SEPTIN9: variants seen among roughly 807,000 people sequenced by gnomAD.
SEPTIN9 encodes septin-9.
In SEPTIN9, 13 loss-of-function variants were observed where a neutral mutation model predicts 56.6. That is an observed-to-expected ratio of 0.23 (90% CI 0.15 to 0.37). The LOEUF (loss-of-function observed/expected upper bound fraction) is 0.37. Ranked by LOEUF, SEPTIN9 falls within the 10% of genes least tolerant of loss-of-function variation. The pLI is 1.00. For missense variants in SEPTIN9, 650 were observed against 823.1 expected, an observed-to-expected ratio of 0.79 and a Z score of 2.57; for synonymous variants, 332 against 334.1, an observed-to-expected ratio of 0.99 and a Z score of 0.07.
chr17:77,364,583 G>A (rs2034516855), intron 2 of SEPTIN9, among the ~76,000 whole-genome samples: 1 of 152,222 alleles, frequency 6.6e-6, no homozygotes, highest in African/African-American at 2.4e-5. Context: ...GAGATGGTCA[G>A]TGGCAGTGAG....
intron 2 of SEPTIN9, chr17:77,373,328 T>A (rs2034786784): frequency 8.6e-7 from 1 of 1,167,720 alleles, no homozygotes; most frequent in Admixed American, 4.7e-5. Flanking sequence ...GCGCCCGCCT[T>A]CCTCCCCCAT....
intron 2 of SEPTIN9, among the ~76,000 whole-genome samples, chr17:77,356,342 T>C (rs1007526556): frequency 3.9e-5 from 6 of 152,178 alleles, no homozygotes; most frequent in Middle Eastern, 6.8e-3. Context: ...CTCCTGTGGC[T>C]GTGGAACCTT....
intron 2 of SEPTIN9, among the ~76,000 whole-genome samples, chr17:77,382,142 C>G (rs1260794720): frequency 2.0e-5 from 3 of 152,202 alleles, no homozygotes; most frequent in Non-Finnish European, 4.4e-5. Flanking sequence ...ATTCTCCTGC[C>G]TCAGCCTCCT....
chr17:77,353,564 A>T (rs1283639383), intron 2 of SEPTIN9, among the ~76,000 whole-genome samples: 1 of 152,026 alleles, frequency 6.6e-6, no homozygotes, highest in Non-Finnish European at 1.5e-5. Flanking sequence ...TGCCAATACC[A>T]TCTTTGCTTG....
Position 77,368,315 on chromosome 17 carries a change from G to T in SEPTIN9, c.77-33744G>T, listed in dbSNP as rs868864605. ...TGGTAAATTTGTCTTTTTTGTTTTTGTTTTTTTTTTTTTTGAGACGGAGTC... is the reference window on the plus strand; with the variant it reads ...TGGTAAATTTGTCTTTTTTGTTTTTTTTTTTTTTTTTTTTGAGACGGAGTC... On this transcript the variant is annotated intron_variant, in intron 2 of 11. Coordinates refer to ENST00000427177, the MANE Select transcript of SEPTIN9 (RefSeq NM_001113491.2). Among the ~76,000 whole-genome samples, 161 of 143,410 alleles carry T rather than the reference G, an allele frequency of 1.1e-3. 1 individual carries two copies. The highest frequency in any genetic ancestry group is 0.011 in the South Asian group (51 of 4,568). The allele number at this position is 143,410 out of a possible 152,430, so 94.1% of individuals were successfully genotyped here.
chr17:77,405,192 C>A lies in SEPTIN9; in HGVS notation c.721+2489C>A. On this transcript the variant is annotated intron_variant, in intron 3 of 11. Transcript: ENST00000427177. This position sits in a 1 kb window ranked among gnomAD's most constrained non-coding sequence, Gnocchi z 5.8. ...AAGAACATTCTCCTCCAGGGGCAGA[C>A]ACAGTTTAGCCCCTAAATTGTGCCA... The A allele has an allele frequency of 6.9e-7, 1 of 1,443,476 alleles. No homozygotes were observed. The highest frequency in any genetic ancestry group is 9.4e-7 in the Non-Finnish European group (1 of 1,064,952). 89.4% of individuals were successfully genotyped at this position (1,443,476 alleles called of 1,614,324 possible).
At chr17:77,311,403 A>T (rs2032487214) in intron 2 of SEPTIN9, among the ~76,000 whole-genome samples, 1 of 152,028 alleles carries the variant, frequency 6.6e-6, no homozygotes, top group African/African-American at 2.4e-5. Context: ...CTGTGGATGG[A>T]CGACCCCGCC....
chr17:77,485,065 A>G (rs796576855), intron 4 of SEPTIN9, among the ~76,000 whole-genome samples: 80 of 474 alleles, frequency 0.17, 3 homozygotes, highest in South Asian at 0.5. Flanking sequence ...TGGTGGTGGT[A>G]ATGGTGATGG....
chr17:77,393,036 C>G (rs1253156852), intron 2 of SEPTIN9, among the ~76,000 whole-genome samples: 1 of 152,190 alleles, frequency 6.6e-6, no homozygotes, highest in Non-Finnish European at 1.5e-5. Flanking sequence ...CCCTCCTCCA[C>G]CAAGCAGCCC....
chr17:77,490,770 A>G lies in SEPTIN9; in HGVS notation c.1291A>G (p.Lys431Glu), dbSNP rs754698353. The change falls in exon 8 of 12, where the codon AAA becomes GAA. Residue 431 changes from lysine to glutamate, a missense_variant. Coordinates refer to ENST00000427177, the MANE Select transcript of SEPTIN9 (RefSeq NM_001113491.2). ...CAGGCCCCTGGACATCGAGTTTATG[A>G]AACGCCTGAGCAAGGTGGTCAACAT... Reference protein sequence around the residue: ...SLRPLDIEFMKRLSKVVNIVP... With the variant: ...SLRPLDIEFMERLSKVVNIVP... 7 of 1,586,312 alleles carry G rather than the reference A, an allele frequency of 4.4e-6. No homozygotes were observed. The highest frequency in any genetic ancestry group is 4.3e-6 in the Non-Finnish European group (5 of 1,166,050).
intron 10 of SEPTIN9, chr17:77,496,427 G>A (rs927390160): frequency 6.6e-6 from 1 of 152,204 alleles, no homozygotes; most frequent in Non-Finnish European, 1.5e-5. Flanking sequence ...AGGGCACCGG[G>A]TGTCTTTATT....
At chr17:77,376,350 A>G in intron 2 of SEPTIN9, 1 of 985,680 alleles carries the variant, frequency 1.0e-6, no homozygotes, top group Non-Finnish European at 1.2e-6. Context: ...CCGTGGGAGC[A>G]CAGGTCTCTT....
intron 2 of SEPTIN9, among the ~76,000 whole-genome samples, chr17:77,351,052 C>CCTGCACA (rs2034045750): frequency 6.6e-6 from 1 of 151,356 alleles, no homozygotes; most frequent in African/African-American, 2.4e-5. Flanking sequence ...GTGGTGTGTG[C>CCTGCACA]TGAGTGTGTA....
intron 1 of SEPTIN9, chr17:77,288,102 G>A (rs2031357505): frequency 4.7e-6 from 5 of 1,063,640 alleles, no homozygotes; most frequent in Non-Finnish European, 5.7e-6. Context: ...TTGGAGCGCT[G>A]GACTCTCTCG....
At chr17:77,376,338 C>T (rs1429168799) in intron 2 of SEPTIN9, 6 of 985,610 alleles carry the variant, frequency 6.1e-6, no homozygotes, top group African/African-American at 3.5e-5. Flanking sequence ...GCAGGAGCAG[C>T]GCCGTGGGAG....
At chr17:77,417,766 C>T (rs762764443) in intron 3 of SEPTIN9, among the ~76,000 whole-genome samples, 4 of 152,342 alleles carry the variant, frequency 2.6e-5, no homozygotes, top group East Asian at 1.9e-4. Flanking sequence ...ATAGGTCCAC[C>T]GTCCAGCCCC....
In SEPTIN9 at chr17:77,434,669, C is replaced by A; in HGVS notation, c.721+31966C>A. On this transcript the variant is annotated intron_variant, in intron 3 of 11. Transcript: ENST00000427177. This position sits in a 1 kb window ranked among gnomAD's most constrained non-coding sequence, Gnocchi z 5.0. ...CAAGGCATTTGTGGGCACCCCCGCC[C>A]CAGACGTGAGGGTTGGCATCTTCTC... Among the ~76,000 whole-genome samples, 1 of 152,202 alleles carries A rather than the reference C, an allele frequency of 6.6e-6. No individual in the cohort carries two copies. Among genetic ancestry groups the A allele is most frequent in the Middle Eastern group, 3.2e-3 (1 of 316 alleles).
intron 3 of SEPTIN9, among the ~76,000 whole-genome samples, chr17:77,474,139 C>T (rs559819344): frequency 2.0e-5 from 3 of 152,224 alleles, no homozygotes; most frequent in East Asian, 1.9e-4. Context: ...CAACCTGGGG[C>T]GGCCTCCTGG....
At chr17:77,392,347 T>A (rs2035569668) in intron 2 of SEPTIN9, among the ~76,000 whole-genome samples, 1 of 152,172 alleles carries the variant, frequency 6.6e-6, no homozygotes, top group African/African-American at 2.4e-5. Context: ...CTGTGGCTCT[T>A]CCCTGGGTGC....
Sources: allele counts gnomAD v4.1 joint callset (sites outside exome capture counted in the v4.1 genomes callset), GRCh38; gene constraint gnomAD v4.1.1; non-coding constraint Gnocchi (gnomAD v3.1); transcripts MANE v1.5; gene names NCBI Gene and HGNC (gene_info 2026-07-23, HGNC 2026-07-21).